FCHO2: variants seen among roughly 807,000 people sequenced by gnomAD.
The protein encoded by FCHO2 is FCH and mu domain containing endocytic adaptor 2.
FCHO2 carries 43 observed loss-of-function variants against 114.1 expected under a neutral mutation model. The observed-to-expected ratio is 0.38, with a 90% CI of 0.30 to 0.49. The LOEUF (loss-of-function observed/expected upper bound fraction) is 0.49. Ranked by LOEUF, FCHO2 falls within the 20% of genes least tolerant of loss-of-function variation. The probability of loss-of-function intolerance (pLI) is 0.97; values close to 1 mark genes in which losing one functional copy is unlikely to be tolerated. For missense variants in FCHO2, 807 were observed against 950.4 expected (o/e 0.85, Z 1.98); for synonymous variants, 293 against 315.2 (o/e 0.93, Z 0.75).
At chr5:73,046,106 C>G (rs1411931695) in intron 11 of FCHO2, among the ~76,000 whole-genome samples, 1 of 152,084 alleles carries the variant, frequency 6.6e-6, no homozygotes, top group Admixed American at 6.6e-5. Flanking sequence ...GATCTGTGGC[C>G]CAGGCTGGAG....
chr5:72,988,851 C>T (rs1161890297), intron 2 of FCHO2, among the ~76,000 whole-genome samples: 2 of 152,220 alleles, frequency 1.3e-5, no homozygotes, highest in African/African-American at 2.4e-5. Flanking sequence ...AGAAGTAGCA[C>T]TCATGTATTT....
chr5:73,002,264 G>A (rs1363592030), intron 5 of FCHO2, among the ~76,000 whole-genome samples: 7 of 152,168 alleles, frequency 4.6e-5, no homozygotes. Context: ...AGCAAAATTA[G>A]TTAGAATTCT....
intron 6 of FCHO2, among the ~76,000 whole-genome samples, chr5:73,007,576 T>A (rs532359594): frequency 3.3e-5 from 5 of 152,322 alleles, no homozygotes; most frequent in Admixed American, 1.3e-4. Flanking sequence ...GTCTTCCCAT[T>A]TGAAGTAGTG....
intron 9 of FCHO2, among the ~76,000 whole-genome samples, chr5:73,036,185 G>A (rs1756496208): frequency 6.6e-6 from 1 of 151,916 alleles, no homozygotes; most frequent in Non-Finnish European, 1.5e-5. Context: ...AGCATGACTG[G>A]CCTTTAAAAA....
chr5:73,065,537 C>T (rs1742265454), intron 18 of FCHO2, among the ~76,000 whole-genome samples: 1 of 151,880 alleles, frequency 6.6e-6, no homozygotes, highest in African/African-American at 2.4e-5. Context: ...TTAGTTGCCT[C>T]ATGGATAAAA....
At chr5:73,056,705 C>T (rs1190523708) in intron 16 of FCHO2, among the ~76,000 whole-genome samples, 1 of 152,136 alleles carries the variant, frequency 6.6e-6, no homozygotes, top group Non-Finnish European at 1.5e-5. Flanking sequence ...ACCCTAAATT[C>T]ATACATATCT....
At chr5:73,078,111 A>AATT in intron 21 of FCHO2, 69 bp from the exon 22 acceptor site, 1 of 1,258,008 alleles carries the variant, frequency 7.9e-7, no homozygotes, top group Non-Finnish European at 1.0e-6. Context: ...TGTGTCACCA[A>AATT]ATTACTACAC....
chr5:72,965,333 G>T (rs1015625706), intron 1 of FCHO2, among the ~76,000 whole-genome samples: 1 of 152,100 alleles, frequency 6.6e-6, no homozygotes, highest in African/African-American at 2.4e-5. Flanking sequence ...CACTATACTG[G>T]TGTATTAAAT....
At chr5:73,049,446 T>G (rs1166344954) in intron 11 of FCHO2, among the ~76,000 whole-genome samples, 1 of 152,182 alleles carries the variant, frequency 6.6e-6, no homozygotes, top group African/African-American at 2.4e-5. Context: ...GGGAGGGGCC[T>G]TTTTGTCTTA....
chr5:73,050,374 A>C (rs1215950476), intron 11 of FCHO2, among the ~76,000 whole-genome samples: 2 of 151,476 alleles, frequency 1.3e-5, no homozygotes, highest in Non-Finnish European at 2.9e-5. Flanking sequence ...GCTGGAGTGC[A>C]GTGGCGTGAT....
intron 5 of FCHO2, among the ~76,000 whole-genome samples, chr5:73,005,079 T>G (rs1754645441): frequency 6.6e-6 from 1 of 152,180 alleles, no homozygotes; most frequent in African/African-American, 2.4e-5. Flanking sequence ...TGTTTCATGG[T>G]AAAGTGGCAT....
chr5:73,087,947 G>T, intron 25 of FCHO2, 121 bp from the exon 26 acceptor site: 2 of 1,439,114 alleles, frequency 1.4e-6, no homozygotes, highest in South Asian at 2.4e-5. Flanking sequence ...CCTGTTATCT[G>T]ATTCTAATGT....
chr5:73,007,802 TTATAA>T (rs1392303537), intron 6 of FCHO2, among the ~76,000 whole-genome samples: 1 of 152,166 alleles, frequency 6.6e-6, no homozygotes, highest in Non-Finnish European at 1.5e-5. Flanking sequence ...TTATAAATTA[TTATAA>T]GTATTGCAAA....
At chr5:73,009,933 G>T (rs978495637) in intron 6 of FCHO2, among the ~76,000 whole-genome samples, 3 of 152,188 alleles carry the variant, frequency 2.0e-5, no homozygotes. Flanking sequence ...TAATGTGTGT[G>T]TATTTGTTCT....
At chr5:73,034,174 C>G (rs192383528) in intron 8 of FCHO2, among the ~76,000 whole-genome samples, 36 of 152,176 alleles carry the variant, frequency 2.4e-4, no homozygotes, top group Non-Finnish European at 4.0e-4. Flanking sequence ...TTATTATTTA[C>G]CTGGCATTTT....
intron 8 of FCHO2, among the ~76,000 whole-genome samples, chr5:73,030,731 A>G (rs1466368826): frequency 6.6e-6 from 1 of 152,204 alleles, no homozygotes; most frequent in Non-Finnish European, 1.5e-5. Flanking sequence ...GTGGGAGTGG[A>G]GCCCAGTAGT....
chr5:73,058,176 T>A (rs1757688986), intron 16 of FCHO2, among the ~76,000 whole-genome samples: 1 of 151,878 alleles, frequency 6.6e-6, no homozygotes, highest in South Asian at 2.1e-4. Flanking sequence ...CAGGCTAATT[T>A]AAAAAAATTT....
chr5:73,037,110 A>G, intron 9 of FCHO2, 33 bp from the exon 10 acceptor site: 1 of 1,388,544 alleles, frequency 7.2e-7, no homozygotes, highest in Non-Finnish European at 9.9e-7. Flanking sequence ...AGGAATGTTT[A>G]TGTTTCTGTA....
intron 10 of FCHO2, among the ~76,000 whole-genome samples, chr5:73,039,402 A>G (rs1756691893): frequency 6.6e-6 from 1 of 152,196 alleles, no homozygotes; most frequent in Admixed American, 6.5e-5. Flanking sequence ...GAACTTTAAC[A>G]CTTCCTTTTA....
Sources: allele counts gnomAD v4.1 joint callset (sites outside exome capture counted in the v4.1 genomes callset), GRCh38; gene constraint gnomAD v4.1.1; transcripts MANE v1.5; gene names NCBI Gene and HGNC (gene_info 2026-07-23, HGNC 2026-07-21).